The following ADAMDEC1 variants were observed in gnomAD, a reference collection of about 807,000 sequenced individuals.
ADAMDEC1 encodes the protein ADAM DEC1.
Under a neutral mutation model 60.4 loss-of-function variants are expected in ADAMDEC1, and 62 were observed. The observed-to-expected ratio is 1.03, with a 90% CI of 0.84 to 1.27. The LOEUF (loss-of-function observed/expected upper bound fraction) is 1.27, where lower values mean the gene tolerates loss of function less well. Ranked by LOEUF, ADAMDEC1 falls within the 50% of genes most tolerant of loss-of-function variation. The pLI is 0.00. For missense variants in ADAMDEC1, 595 were observed against 565.0 expected, an observed-to-expected ratio of 1.05 and a Z score of -0.54; for synonymous variants, 210 against 195.1, an observed-to-expected ratio of 1.08 and a Z score of -0.64.
chr8:24,393,254 G>C lies in ADAMDEC1; in HGVS notation c.208-8G>C, dbSNP rs201607374. On this transcript the variant is annotated splice_region_variant and splice_polypyrimidine_tract_variant and intron_variant, in intron 2 of 13. Transcript: ENST00000256412. ...TATAAATTGCTTGATGTAATTAAAT[G>C]TTTTCAGGAAAGGTATGAACCTGAA... 4.9e-5 allele frequency: 76 copies of C among 1,546,006 alleles called. No homozygotes were observed. Among genetic ancestry groups the C allele is most frequent in the Non-Finnish European group, 6.7e-5 (76 of 1,131,534 alleles).
At chr8:24,392,142 C>A in intron 1 of ADAMDEC1, 120 bp from the exon 2 acceptor site, 1 of 638,480 alleles carries the variant, frequency 1.6e-6, no homozygotes, top group Non-Finnish European at 2.7e-6. Context: ...TGTTTGCTCT[C>A]TACATAGGAA....
chr8:24,397,388 T>G lies in ADAMDEC1; in HGVS notation c.559T>G (p.Cys187Gly), dbSNP rs769254301. Residue 187 changes from cysteine (C) to glycine (G), a missense_variant, in exon 6 of 14, where the codon TGT (cysteine) becomes GGT (glycine). Physicochemically the swap from Cys to Gly is radical, Grantham distance 159 (BLOSUM62 -3). Coordinates refer to ENST00000256412, the MANE Select transcript of ADAMDEC1 (RefSeq NM_014479.3). ...QEEQDPANHT[C>G]GVKSTDGKQG... ...GGAACAAGACCCAGCTAACCACACA[T>G]GTGGTGTGAAGAGCACTGACGGGAA... 5.6e-6 allele frequency: 9 copies of G among 1,614,050 alleles called. No homozygotes were observed. The highest frequency in any genetic ancestry group is 7.6e-6 in the Non-Finnish European group (9 of 1,179,964).
rs138068719 is a variant in ADAMDEC1 at position 24,404,089 on chromosome 8, G to C, written c.1406+1G>C. The stretch of plus-strand genomic sequence containing the variant: ...GAGGAGATGCTCCAAACCATACCAC[G>C]TAAGACCTTTTGTTTTCTTTGTTCC... On this transcript the variant is annotated splice_donor_variant, in intron 13 of 13. Transcript: ENST00000256412. LOFTEE classifies it high-confidence loss of function. 6.2e-6 allele frequency: 10 copies of C among 1,611,756 alleles called. No homozygotes were observed. The highest frequency in any genetic ancestry group is 2.7e-5 in the African/African-American group (2 of 74,846).
rs559718369 is a variant in ADAMDEC1 at position 24,385,657 on chromosome 8, A to G, written c.88+1065A>G. Among the ~76,000 whole-genome samples the G allele has an allele frequency of 4.6e-5, 7 of 152,288 alleles. No homozygotes were observed. In the South Asian group the frequency reaches 1.5e-3, roughly 32 times the overall value. ...AAACACACCATCCCAATGACAACAC[A>G]GAACTAACTTCCTGGCCAAAAATCA... On this transcript the variant is annotated intron_variant, in intron 1 of 13. Transcript: ENST00000256412.
chr8:24,405,607 T>C lies in ADAMDEC1; in HGVS notation c.*309T>C. On this transcript the variant is annotated 3_prime_UTR_variant, in exon 14 of 14. Transcript: ENST00000256412. ...AGTCTTCCATCAAATCACCTTAAAA[T>C]GCACGGCTAAACTATTCAGAGTTAA... The C allele has an allele frequency of 3.0e-6, 1 of 329,718 alleles. No individual in the cohort carries two copies. The highest frequency in any genetic ancestry group is 5.5e-6 in the Non-Finnish European group (1 of 182,686). The allele number at this position is 329,718 out of a possible 1,614,324, so 20.4% of individuals were successfully genotyped here.
chr8:24,398,740 T>C, intron 8 of ADAMDEC1, 134 bp from the exon 9 acceptor site: 4 of 1,088,346 alleles, frequency 3.7e-6, no homozygotes, highest in Non-Finnish European at 5.3e-6. Flanking sequence ...AGACAACTTT[T>C]AAAATTTTTA....
intron 1 of ADAMDEC1, among the ~76,000 whole-genome samples, chr8:24,385,899 AAAGAG>A (rs1208849488): frequency 6.6e-6 from 1 of 152,116 alleles, no homozygotes; most frequent in Non-Finnish European, 1.5e-5. Context: ...AATTGTACCT[AAAGAG>A]AAGTCAAACA....
At chr8:24,402,428 T>C (rs1296927777) in intron 12 of ADAMDEC1, among the ~76,000 whole-genome samples, 1 of 152,120 alleles carries the variant, frequency 6.6e-6, no homozygotes, top group African/African-American at 2.4e-5. Context: ...CAATTAGAGA[T>C]CTAGAAGTAA....
At position 24,397,362 on chromosome 8, in the gene ADAMDEC1, A is replaced by G. The variant is rs1261932246; in HGVS notation, c.533A>G (p.Glu178Gly). 1 of 1,613,998 alleles carries G rather than the reference A, an allele frequency of 6.2e-7. No homozygotes were observed. Residue 178 changes from glutamate (E) to glycine (G), a missense_variant, in exon 6 of 14, where the codon GAG (glutamate) becomes GGG (glycine). Glu to Gly is a moderately conservative substitution (Grantham distance 98). Coordinates refer to ENST00000256412, the MANE Select transcript of ADAMDEC1 (RefSeq NM_014479.3). ...KEHAVFTSNQ[E>G]EQDPANHTCG... Reference sequence around the variant, plus strand: ...CATGCCGTCTTTACATCTAACCAGGAGGAACAAGACCCAGCTAACCACACA... The same window carrying G: ...CATGCCGTCTTTACATCTAACCAGGGGGAACAAGACCCAGCTAACCACACA...
chr8:24,393,771 C>T (rs916452044), intron 3 of ADAMDEC1, among the ~76,000 whole-genome samples: 4 of 152,134 alleles, frequency 2.6e-5, no homozygotes, highest in African/African-American at 4.8e-5. Context: ...ACCCAGCACC[C>T]TTCAAAGGTT....
intron 7 of ADAMDEC1, 46 bp from the exon 8 acceptor site, chr8:24,398,434 A>T: frequency 8.8e-7 from 1 of 1,137,964 alleles, no homozygotes; most frequent in Non-Finnish European, 1.3e-6. Flanking sequence ...CAGCTTTCTC[A>T]GTGTAATCTG....
Position 24,399,604 on chromosome 8 carries a change from G to A in ADAMDEC1, c.1011+130G>A, listed in dbSNP as rs569811167. The A allele has an allele frequency of 3.1e-4, 252 of 812,340 alleles. 5 individuals are homozygous for A. In the South Asian group the frequency reaches 3.4e-3, roughly 11 times the overall value. The allele number at this position is 812,340 out of a possible 1,614,324, so 50.3% of individuals were successfully genotyped here. A position where few individuals can be genotyped will look rare whatever the true frequency, so the allele number is the denominator to read the frequency against. On this transcript the variant is annotated intron_variant, in intron 10 of 13. Transcript: ENST00000256412. ...AATCAAGGAAGAAATGAAACTACTGGTAGGTCATTGCACTGAAGATCCCTT... is the reference window on the plus strand; with the variant it reads ...AATCAAGGAAGAAATGAAACTACTGATAGGTCATTGCACTGAAGATCCCTT...
intron 13 of ADAMDEC1, among the ~76,000 whole-genome samples, chr8:24,404,694 A>T (rs1173060571): frequency 6.6e-6 from 1 of 152,180 alleles, no homozygotes. Flanking sequence ...AATAGGGGAA[A>T]GACTCAGGAT....
intron 2 of ADAMDEC1, 134 bp from the exon 3 acceptor site, chr8:24,393,128 A>T: frequency 1.8e-6 from 1 of 555,490 alleles, no homozygotes; most frequent in Non-Finnish European, 3.1e-6. Flanking sequence ...TTTGTCTTAC[A>T]TATTTTAAAA....
intron 3 of ADAMDEC1, 109 bp from the exon 4 acceptor site, chr8:24,393,960 C>T: frequency 1.6e-6 from 1 of 637,454 alleles, no homozygotes; most frequent in South Asian, 2.6e-5. Context: ...AGGTCAGAAC[C>T]TTAGCTATTT....
In ADAMDEC1 at chr8:24,398,376, G is replaced by T. The variant is rs559162166; in HGVS notation, c.691-104G>T. 1.6e-5 allele frequency: 11 copies of T among 684,116 alleles called. No individual in the cohort carries two copies. In the African/African-American group the frequency reaches 1.7e-4, roughly 11 times the overall value. 42.4% of individuals were successfully genotyped at this position (684,116 alleles called of 1,614,324 possible). ...ATTATGGAATGAATAGATGTTAATTGTAGTGAAATTCATAATTTTTCTTAA... is the reference window on the plus strand; with the variant it reads ...ATTATGGAATGAATAGATGTTAATTTTAGTGAAATTCATAATTTTTCTTAA... On this transcript the variant is annotated intron_variant, in intron 7 of 13. Transcript: ENST00000256412.
chr8:24,403,020 A>G (rs971386882), intron 12 of ADAMDEC1, among the ~76,000 whole-genome samples: 1 of 152,130 alleles, frequency 6.6e-6, no homozygotes, highest in African/African-American at 2.4e-5. Context: ...AACCCTAGGT[A>G]CTTCTGGTTT....
chr8:24,398,928 G>C lies in ADAMDEC1; in HGVS notation c.817G>C (p.Asp273His). The C allele has an allele frequency of 3.1e-6, 5 of 1,613,888 alleles. No individual in the cohort carries two copies. Among genetic ancestry groups the C allele is most frequent in the Non-Finnish European group, 4.2e-6 (5 of 1,179,890 alleles). The change falls in exon 9 of 14, where the codon GAT (aspartate) becomes CAT (histidine). Residue 273 changes from aspartate to histidine, a missense_variant. Physicochemically the swap from Asp to His is moderately conservative, Grantham distance 81. Transcript: ENST00000256412. ...VALVGMEIWS[D>H]GDKIKVVPSA... Reference sequence around the variant, plus strand: ...CTTGGTAGGTATGGAAATCTGGTCTGATGGGGATAAGATAAAGGTGGTGCC... The same window carrying C: ...CTTGGTAGGTATGGAAATCTGGTCTCATGGGGATAAGATAAAGGTGGTGCC...
intron 1 of ADAMDEC1, 25 bp downstream of exon 1, chr8:24,384,617 T>A: frequency 6.4e-7 from 1 of 1,573,474 alleles, no homozygotes; most frequent in Non-Finnish European, 8.6e-7. Context: ...ACCAGCATTT[T>A]ACATAAAAGT....
Sources: gnomAD v4.1 joint callset for allele counts (sites outside exome capture counted in the v4.1 genomes callset) on GRCh38, gnomAD v4.1.1 for gene constraint, MANE v1.5 for transcripts, NCBI Gene and HGNC (gene_info 2026-07-23, HGNC 2026-07-21) for gene names.